UIMC1: variants seen among roughly 807,000 people sequenced by gnomAD.
The protein encoded by UIMC1 is BRCA1-A complex subunit RAP80.
A neutral mutation model predicts 84.9 loss-of-function variants in UIMC1; 42 were observed. The ratio of observed to expected loss-of-function variants is 0.49; its 90% CI spans 0.39 to 0.64. UIMC1 has a LOEUF of 0.64. Among genes scored for constraint, UIMC1 ranks in the 30% least tolerant of loss-of-function variants. The pLI, the probability that UIMC1 is intolerant of heterozygous loss-of-function variation, is 0.00. For missense variants in UIMC1, 825 were observed against 847.6 expected (o/e 0.97, Z 0.33); for synonymous variants, 281 against 293.0 (o/e 0.96, Z 0.42).
At chr5:176,940,043 C>T (rs1764227358) in intron 10 of UIMC1, among the ~76,000 whole-genome samples, 1 of 152,130 alleles carries the variant, frequency 6.6e-6, no homozygotes, top group African/African-American at 2.4e-5. Flanking sequence ...AATGTCCTCC[C>T]TGAATGGATG....
chr5:176,952,140 T>C (rs1268215910), intron 8 of UIMC1, among the ~76,000 whole-genome samples: 4 of 152,236 alleles, frequency 2.6e-5, no homozygotes, highest in South Asian at 4.1e-4. Flanking sequence ...TGTTTATTCA[T>C]TGACCAACTG....
At chr5:176,939,135 T>C (rs537980894) in intron 10 of UIMC1, among the ~76,000 whole-genome samples, 5 of 151,074 alleles carry the variant, frequency 3.3e-5, no homozygotes, top group Non-Finnish European at 5.9e-5. Context: ...TGTGTGCCCA[T>C]AGTCCCAGCT....
intron 10 of UIMC1, among the ~76,000 whole-genome samples, chr5:176,928,733 C>T (rs1345454642): frequency 6.6e-5 from 10 of 151,556 alleles, no homozygotes; most frequent in East Asian, 1.9e-4. Flanking sequence ...GGGCGGATCA[C>T]GAGGTCAGGA....
At chr5:177,019,137 C>T (rs546291332) in intron 1 of UIMC1, among the ~76,000 whole-genome samples, 2 of 152,292 alleles carry the variant, frequency 1.3e-5, no homozygotes, top group East Asian at 3.9e-4. Flanking sequence ...GACTTTTAGG[C>T]TGGTCATCTG....
chr5:176,992,878 T>C (rs1277801407), intron 1 of UIMC1, among the ~76,000 whole-genome samples: 2 of 152,034 alleles, frequency 1.3e-5, no homozygotes, highest in Non-Finnish European at 2.9e-5. Flanking sequence ...AAAAGACTTG[T>C]ATCCAGAATA....
At chr5:176,955,377 A>C (rs1581520592) in intron 8 of UIMC1, among the ~76,000 whole-genome samples, 2 of 152,204 alleles carry the variant, frequency 1.3e-5, no homozygotes, top group East Asian at 3.8e-4. Flanking sequence ...CACAAAACTC[A>C]ATTTCTGAAC....
At chr5:176,995,385 C>T (rs556484969) in intron 1 of UIMC1, among the ~76,000 whole-genome samples, 49 of 151,496 alleles carry the variant, frequency 3.2e-4, no homozygotes, top group Admixed American at 5.9e-4. Flanking sequence ...CCCGTCTTTA[C>T]TAAAAATGCA....
At chr5:176,926,360 G>A (rs902223248) in intron 10 of UIMC1, among the ~76,000 whole-genome samples, 2 of 152,088 alleles carry the variant, frequency 1.3e-5, no homozygotes, top group African/African-American at 4.8e-5. Context: ...GATACACACT[G>A]ATCAAGCTCA....
rs1453318659 is a variant in UIMC1 at position 176,961,148 on chromosome 5, G to A, written c.1201-2994C>T. ...GGCTGCCCAGTCTGGGAAGTGAGGA[G>A]CGTCTCCGCCCGGCCGCCATCCCAT... On this transcript the variant is annotated intron_variant, in intron 6 of 14. Transcript: ENST00000511320. Among the ~76,000 whole-genome samples, 12 of 79,098 alleles carry A rather than the reference G, an allele frequency of 1.5e-4. 2 individuals carry two copies. The highest frequency in any genetic ancestry group is 1.0e-3 in the Admixed American group (10 of 10,040). The allele number at this position is 79,098 out of a possible 152,430, so 51.9% of individuals were successfully genotyped here.
chr5:176,940,931 G>A (rs1764343835), intron 10 of UIMC1, among the ~76,000 whole-genome samples: 1 of 152,182 alleles, frequency 6.6e-6, no homozygotes, highest in Admixed American at 6.6e-5. Flanking sequence ...TTAGCACAGG[G>A]TCACACACTA....
At chr5:176,998,878 G>A (rs1035536894) in intron 1 of UIMC1, among the ~76,000 whole-genome samples, 1 of 151,900 alleles carries the variant, frequency 6.6e-6, no homozygotes. Flanking sequence ...ACAAGTCTGC[G>A]CTCATTTTAT....
At chr5:176,970,030 G>A (rs1298551608) in intron 4 of UIMC1, 3 of 212,128 alleles carry the variant, frequency 1.4e-5, no homozygotes, top group East Asian at 1.1e-4. Context: ...CAGCACTTTG[G>A]GAGGCTGAGG....
At chr5:176,921,172 T>C (rs1462955086) in intron 10 of UIMC1, among the ~76,000 whole-genome samples, 1 of 152,214 alleles carries the variant, frequency 6.6e-6, no homozygotes, top group Non-Finnish European at 1.5e-5. Flanking sequence ...ACCAAAAGTA[T>C]TAGTCTATCT....
At chr5:177,013,463 A>G (rs756139789) in intron 1 of UIMC1, among the ~76,000 whole-genome samples, 14 of 152,070 alleles carry the variant, frequency 9.2e-5, no homozygotes, top group Non-Finnish European at 1.6e-4. Context: ...TTAAACTACC[A>G]TTACCCTAAT....
intron 3 of UIMC1, 120 bp from the exon 4 acceptor site, chr5:176,970,986 T>A (rs1219760932): frequency 7.6e-7 from 1 of 1,310,846 alleles, no homozygotes; most frequent in Admixed American, 2.8e-5. Context: ...TTAGTACAAT[T>A]TTATAATCTT....
chr5:177,007,688 A>G (rs1234220700), upstream of UIMC1, among the ~76,000 whole-genome samples: 2 of 152,238 alleles, frequency 1.3e-5, no homozygotes, highest in Non-Finnish European at 2.9e-5. Context: ...CTATGTGTGT[A>G]AAAGTATATA....
chr5:176,907,012 T>C, intron 13 of UIMC1, 102 bp downstream of exon 13: 1 of 1,222,408 alleles, frequency 8.2e-7, no homozygotes, highest in South Asian at 1.3e-5. Flanking sequence ...GGATCACGTG[T>C]GTACCCAGAT....
At chr5:176,921,849 A>AC (rs1009935875) in intron 10 of UIMC1, among the ~76,000 whole-genome samples, 2 of 151,280 alleles carry the variant, frequency 1.3e-5, no homozygotes, top group African/African-American at 4.9e-5. Context: ...CTCGTTCTCA[A>AC]CCCCCCTATG....
At position 176,958,158 on chromosome 5, in the gene UIMC1, C is replaced by T; in HGVS notation, c.1201-4G>A. 6.2e-7 allele frequency: 1 copy of T among 1,612,626 alleles called. No homozygotes were observed. Among genetic ancestry groups the T allele is most frequent in the Non-Finnish European group, 8.5e-7 (1 of 1,178,944 alleles). On this transcript the variant is annotated splice_polypyrimidine_tract_variant and splice_region_variant and intron_variant, in intron 6 of 14. Transcript: ENST00000511320. ...CTTCAACAATCCCTTGGGAAGACTG[C>T]AAAGAAATACGTAGTATCTTAAATA...
Sources: allele counts gnomAD v4.1 joint callset (sites outside exome capture counted in the v4.1 genomes callset), GRCh38; gene constraint gnomAD v4.1.1; transcripts MANE v1.5; gene names NCBI Gene and HGNC (gene_info 2026-07-23, HGNC 2026-07-21).